The following SLC18A1 variants were observed in gnomAD, a reference collection of about 807,000 sequenced individuals.
SLC18A1 encodes the protein solute carrier family 18 member A1, also known as chromaffin granule amine transporter.
In SLC18A1, 69 loss-of-function variants were observed where a neutral mutation model predicts 53.7. The observed-to-expected ratio is 1.28, with a 90% CI of 1.06 to 1.57. SLC18A1 has a LOEUF of 1.57. Among genes scored for constraint, SLC18A1 ranks in the 40% most tolerant of loss-of-function variants. The pLI is 0.00. For missense variants in SLC18A1, 932 were observed against 668.1 expected, an observed-to-expected ratio of 1.40 and a Z score of -4.35; for synonymous variants, 320 against 248.1, an observed-to-expected ratio of 1.29 and a Z score of -2.72.
chr8:20,182,391 C>T (rs4921695), intron 1 of SLC18A1, among the ~76,000 whole-genome samples: 152,338 of 152,338 alleles, frequency 1, 76,169 homozygotes, highest in Non-Finnish European at 1. Flanking sequence ...ATTACTATAA[C>T]GTTAAGTAAA....
intron 1 of SLC18A1, among the ~76,000 whole-genome samples, chr8:20,181,318 T>C (rs1464034828): frequency 1.3e-5 from 2 of 152,234 alleles, no homozygotes; most frequent in Admixed American, 6.5e-5. Flanking sequence ...ATAGATGCTC[T>C]ACAGATCACT....
chr8:20,174,470 C>A, intron 4 of SLC18A1, 26 bp from the exon 5 acceptor site: 1 of 1,558,162 alleles, frequency 6.4e-7, no homozygotes, highest in Non-Finnish European at 8.9e-7. Flanking sequence ...AGCAAGATAA[C>A]TGCAGTTAGC....
chr8:20,147,847 G>C (rs2071441843), intron 13 of SLC18A1, 125 bp from the exon 14 acceptor site: 2 of 1,484,492 alleles, frequency 1.3e-6, no homozygotes, highest in Non-Finnish European at 1.8e-6. Flanking sequence ...ACCTGTTCCA[G>C]GTGGGAATTA....
At position 20,149,066 on chromosome 8, in the gene SLC18A1, A is replaced by C. The variant is rs75310009; in HGVS notation, c.1146+610T>G. ...CCAGCTGGTCTTGAGCACAGTTTAC[A>C]GTGCCTTGTAGCCCTGTTCTTCTCT... On this transcript the variant is annotated intron_variant, in intron 12 of 15. Coordinates refer to ENST00000276373, the MANE Select transcript of SLC18A1 (RefSeq NM_003053.4). 8.9e-4 allele frequency among the ~76,000 whole-genome samples: 136 copies of C among 152,262 alleles called. 3 individuals are homozygous for C. In the East Asian group the frequency reaches 0.018, roughly 20 times the overall value.
At chr8:20,174,861 T>G (rs532087275) in intron 4 of SLC18A1, among the ~76,000 whole-genome samples, 2 of 152,308 alleles carry the variant, frequency 1.3e-5, no homozygotes, top group South Asian at 4.1e-4. Context: ...TCCCACAGGA[T>G]CATCTGGAGT....
intron 10 of SLC18A1, among the ~76,000 whole-genome samples, chr8:20,162,677 C>A (rs2071859207): frequency 6.6e-6 from 1 of 152,142 alleles, no homozygotes; most frequent in Non-Finnish European, 1.5e-5. Context: ...CTCTAGTGTC[C>A]AATACCTTGT....
chr8:20,154,944 C>G (rs1165672587), intron 10 of SLC18A1, among the ~76,000 whole-genome samples: 1 of 152,206 alleles, frequency 6.6e-6, no homozygotes, highest in Non-Finnish European at 1.5e-5. Flanking sequence ...CCCATTGCCA[C>G]TCCTGATTGG....
chr8:20,169,992 G>A (rs1229533046), intron 8 of SLC18A1, among the ~76,000 whole-genome samples: 1 of 152,176 alleles, frequency 6.6e-6, no homozygotes, highest in Non-Finnish European at 1.5e-5. Context: ...TGAACCACCT[G>A]GATGAGTGTC....
At chr8:20,155,376 C>T (rs2071657325) in intron 10 of SLC18A1, among the ~76,000 whole-genome samples, 2 of 152,178 alleles carry the variant, frequency 1.3e-5, no homozygotes, top group Non-Finnish European at 2.9e-5. Context: ...TAAGACTCAG[C>T]TGGGAGGCTT....
chr8:20,176,766 A>G (rs1411419045), intron 4 of SLC18A1, among the ~76,000 whole-genome samples: 1 of 152,226 alleles, frequency 6.6e-6, no homozygotes, highest in African/African-American at 2.4e-5. Context: ...GGAAATAATA[A>G]TTATTTAACA....
At chr8:20,178,082 G>A (rs2072294108) in intron 4 of SLC18A1, among the ~76,000 whole-genome samples, 1 of 151,324 alleles carries the variant, frequency 6.6e-6, no homozygotes, top group East Asian at 2.0e-4. Flanking sequence ...TAGATGGAAA[G>A]TTTGTATTAA....
At chr8:20,151,154 T>TTTGTTTG (rs372481919) in intron 10 of SLC18A1, among the ~76,000 whole-genome samples, 25 of 147,410 alleles carry the variant, frequency 1.7e-4, no homozygotes, top group African/African-American at 6.3e-4. Context: ...TTTGTTTTTT[T>TTTGTTTG]TTTGTTTGTT....
chr8:20,179,573 C>T, intron 2 of SLC18A1, 89 bp from the exon 3 acceptor site: 1 of 1,473,690 alleles, frequency 6.8e-7, no homozygotes, highest in South Asian at 1.3e-5. Flanking sequence ...GATGTCAATT[C>T]TACTGAAAGT....
At chr8:20,149,805 C>A in intron 11 of SLC18A1, 78 bp from the exon 12 acceptor site, 1 of 1,363,962 alleles carries the variant, frequency 7.3e-7, no homozygotes, top group Middle Eastern at 1.8e-4. Context: ...GCCATGCTGA[C>A]CTGTCCCACC....
At chr8:20,177,446 A>T (rs1563770167) in intron 4 of SLC18A1, among the ~76,000 whole-genome samples, 1 of 152,190 alleles carries the variant, frequency 6.6e-6, no homozygotes, top group Non-Finnish European at 1.5e-5. Context: ...AACAGAGAAC[A>T]CATGGACACC....
At position 20,179,306 on chromosome 8, in the gene SLC18A1, T is replaced by A. The variant is rs17222225; in HGVS notation, c.303A>T (p.Ala101=). 1.9e-6 allele frequency: 3 copies of A among 1,614,218 alleles called. No individual in the cohort carries two copies. The highest frequency in any genetic ancestry group is 4.5e-5 in the East Asian group (2 of 44,878). The stretch of plus-strand genomic sequence containing the variant: ...TGGTGCTGGCAGTGTCATTCATCCA[T>A]GCTATTCCACTAGGTACGCTTTCTT... ...AVEESVPSGI[A]WMNDTASTIP... The change falls in exon 3 of 16, where the codon GCA becomes GCT. Residue 101 remains alanine, a synonymous_variant. Coordinates refer to ENST00000276373, the MANE Select transcript of SLC18A1 (RefSeq NM_003053.4).
chr8:20,163,867 C>T (rs1170707372), intron 10 of SLC18A1, among the ~76,000 whole-genome samples: 1 of 152,072 alleles, frequency 6.6e-6, no homozygotes, highest in Non-Finnish European at 1.5e-5. Flanking sequence ...GAGAATGGTC[C>T]CTAGGCTGCT....
chr8:20,148,436 C>G, intron 12 of SLC18A1: 2 of 1,290,730 alleles, frequency 1.5e-6, no homozygotes, highest in South Asian at 2.5e-5. Context: ...CTCCTGGTCT[C>G]ATTCTTCATG....
At position 20,174,448 on chromosome 8, in the gene SLC18A1, G is replaced by A; in HGVS notation, c.548-4C>T. Reference sequence around the variant, plus strand: ...TAGGTCCCAGAAAAAGCAAACACTGGGCAGAGAGAATAGCAAGATAACTGC... The same window carrying A: ...TAGGTCCCAGAAAAAGCAAACACTGAGCAGAGAGAATAGCAAGATAACTGC... On this transcript the variant is annotated splice_polypyrimidine_tract_variant and splice_region_variant and intron_variant, in intron 4 of 15. Transcript: ENST00000276373. The A allele has an allele frequency of 6.2e-7, 1 of 1,611,048 alleles. No individual in the cohort carries two copies. Among genetic ancestry groups the A allele is most frequent in the Non-Finnish European group, 8.5e-7 (1 of 1,177,504 alleles).
Sources: gnomAD v4.1 joint callset for allele counts (sites outside exome capture counted in the v4.1 genomes callset) on GRCh38, gnomAD v4.1.1 for gene constraint, MANE v1.5 for transcripts, NCBI Gene and HGNC (gene_info 2026-07-23, HGNC 2026-07-21) for gene names.